Variants in VWF observed in about 807,000 individuals in gnomAD.
The protein encoded by VWF is Factor VIII related antigen.
VWF carries 176 observed loss-of-function variants against 308.6 expected under a neutral mutation model. The ratio of observed to expected loss-of-function variants is 0.57; its 90% CI spans 0.50 to 0.65. The LOEUF is 0.65. Ranked by LOEUF, VWF falls within the 30% of genes least tolerant of loss-of-function variation. The pLI, the probability that VWF is intolerant of heterozygous loss-of-function variation, is 0.00. For synonymous variants in VWF, 1,385 were observed against 1,443.4 expected (o/e 0.96, Z 0.92); for missense variants, 3,146 against 3,648.2 (o/e 0.86, Z 3.55).
chr12:5,996,084 C>G lies in VWF; in HGVS notation c.5981G>C (p.Ser1994Thr). 1 of 1,614,062 alleles carries G rather than the reference C, an allele frequency of 6.2e-7. No individual in the cohort carries two copies. Among genetic ancestry groups the G allele is most frequent in the Non-Finnish European group, 8.5e-7 (1 of 1,180,014 alleles). The change falls in exon 35 of 52, where the codon AGC (serine) becomes ACC (threonine). Residue 1994 changes from serine (S) to threonine (T), a missense_variant. Around this residue, in one of 3 missense-constraint regions of VWF, gnomAD observed 989 missense variants for 1,117.4 expected, o/e 0.89. Transcript: ENST00000261405. ...LEVILHNGAC[S>T]PGARQGCMKS... ...CATGCAGCCCTGCCTTGCTCCAGGG[C>G]TGCAGGCACCATTATGGAGAATCAC...
chr12:5,955,900 G>T (rs1943244276), intron 47 of VWF, among the ~76,000 whole-genome samples: 2 of 152,086 alleles, frequency 1.3e-5, no homozygotes, highest in South Asian at 4.1e-4. Flanking sequence ...TTTTAAGACA[G>T]ATCAATAGAA....
At chr12:6,099,623 G>A (rs748676547) in intron 5 of VWF, among the ~76,000 whole-genome samples, 22 of 152,050 alleles carry the variant, frequency 1.4e-4, no homozygotes, top group Non-Finnish European at 2.9e-4. Flanking sequence ...ACAAACCTGA[G>A]AAAAATAAGC....
chr12:5,969,437 G>T (rs1224302551), intron 44 of VWF, 46 bp from the exon 45 acceptor site: 1 of 1,611,264 alleles, frequency 6.2e-7, no homozygotes, highest in Non-Finnish European at 8.5e-7. Flanking sequence ...CAGGGCTGGA[G>T]CCCAGGGTCC....
intron 10 of VWF, among the ~76,000 whole-genome samples, chr12:6,067,963 G>A (rs893723557): frequency 8.6e-5 from 13 of 151,506 alleles, no homozygotes; most frequent in South Asian, 2.1e-4. Context: ...GTGAAACCCC[G>A]TCTCTACTAA....
At chr12:5,960,623 A>G (rs745366357) in intron 47 of VWF, among the ~76,000 whole-genome samples, 3 of 152,232 alleles carry the variant, frequency 2.0e-5, no homozygotes, top group Non-Finnish European at 4.4e-5. Flanking sequence ...TGGATGTGAA[A>G]CAGGATAACA....
intron 47 of VWF, among the ~76,000 whole-genome samples, chr12:5,966,114 G>A (rs951261616): frequency 3.3e-5 from 5 of 152,098 alleles, no homozygotes; most frequent in Middle Eastern, 3.2e-3. Context: ...CTGCAGTGCC[G>A]TCTCCACAGG....
At chr12:5,964,934 A>G (rs533870940) in intron 47 of VWF, among the ~76,000 whole-genome samples, 1 of 152,246 alleles carries the variant, frequency 6.6e-6, no homozygotes, top group South Asian at 2.1e-4. Context: ...GGGAGGGAGG[A>G]GAGAGCATGG....
chr12:5,980,894 A>G (rs1591841104), intron 42 of VWF, among the ~76,000 whole-genome samples: 1 of 151,818 alleles, frequency 6.6e-6, no homozygotes, highest in South Asian at 2.1e-4. Context: ...TTCAGTTCTC[A>G]CTCCGCCACT....
At chr12:5,977,681 G>A (rs1406997002) in intron 42 of VWF, among the ~76,000 whole-genome samples, 1 of 151,908 alleles carries the variant, frequency 6.6e-6, no homozygotes. Flanking sequence ...ACCGGCATGG[G>A]TAACATGATG....
intron 6 of VWF, among the ~76,000 whole-genome samples, chr12:6,092,302 A>G (rs896752325): frequency 6.6e-6 from 1 of 151,724 alleles, no homozygotes; most frequent in African/African-American, 2.4e-5. Context: ...CCTAAGAGTT[A>G]AACAGAACTG....
At chr12:6,034,530 C>T (rs187005969) in intron 20 of VWF, among the ~76,000 whole-genome samples, 158 bp downstream of exon 20, 206 of 152,324 alleles carry the variant, frequency 1.4e-3, no homozygotes, top group African/African-American at 4.2e-3. Context: ...AATCCCCTAC[C>T]GCTTCAGGCA....
chr12:5,971,572 C>T, intron 44 of VWF, 27 bp downstream of exon 44: 1 of 1,596,916 alleles, frequency 6.3e-7, no homozygotes, highest in Non-Finnish European at 8.6e-7. Flanking sequence ...ATCTGCCCTC[C>T]TCCCCGTCCC....
chr12:6,102,765 C>A (rs1945180517), intron 5 of VWF, among the ~76,000 whole-genome samples: 2 of 151,972 alleles, frequency 1.3e-5, no homozygotes, highest in South Asian at 4.1e-4. Context: ...ATAGAATTGC[C>A]ATGCTAATGG....
At chr12:6,108,019 C>T (rs955667522) in intron 5 of VWF, among the ~76,000 whole-genome samples, 6 of 152,104 alleles carry the variant, frequency 3.9e-5, no homozygotes, top group African/African-American at 1.4e-4. Flanking sequence ...GCAGGCCAGG[C>T]ACGGTGACTC....
rs1391518307 is a variant in VWF, at chr12:6,073,763, G to A, written c.875-22C>T. On this transcript the variant is annotated intron_variant, in intron 7 of 51. Transcript: ENST00000261405. ...GGGCCTGAAAAGGAACATCAAAGGG[G>A]TCTACCCAGGGCAGGTCCCACCGGT... The A allele has an allele frequency of 6.8e-6, 11 of 1,613,494 alleles. No individual in the cohort carries two copies. In the South Asian group the frequency reaches 7.7e-5, roughly 11 times the overall value.
At position 6,022,843 on chromosome 12, in the gene VWF, G is replaced by A; in HGVS notation, c.3435C>T (p.Arg1145=). 1.8e-6 allele frequency: 1 copy of A among 543,380 alleles called. No individual in the cohort carries two copies. The highest frequency in any genetic ancestry group is 2.1e-5 in the South Asian group (1 of 47,796). 33.7% of individuals were successfully genotyped at this position (543,380 alleles called of 1,614,324 possible). A position where few individuals can be genotyped will look rare whatever the true frequency, so the allele number is the denominator to read the frequency against. ...LRENGYECEW[R]YNSCAPACQV... is the part of the protein sequence containing the mutation. The stretch of plus-strand genomic sequence containing the variant: ...GACAGGCAGGTGCACAGCTGTTATA[G>A]CGCCACTCACACTCATACCCGTTCT... The change falls in exon 26 of 52, where the codon CGC becomes CGT. Residue 1145 remains arginine (R), a synonymous_variant. Coordinates refer to ENST00000261405, the MANE Select transcript of VWF (RefSeq NM_000552.5).
At chr12:6,008,838 A>G (rs1943960760) in intron 34 of VWF, among the ~76,000 whole-genome samples, 1 of 152,236 alleles carries the variant, frequency 6.6e-6, no homozygotes, top group Non-Finnish European at 1.5e-5. Context: ...ATACAAAATC[A>G]ACATACAAAA....
At chr12:6,100,418 T>C (rs1313047334) in intron 5 of VWF, among the ~76,000 whole-genome samples, 1 of 150,106 alleles carries the variant, frequency 6.7e-6, no homozygotes, top group African/African-American at 2.5e-5. Context: ...CTACAAATCA[T>C]GCTGCTATAA....
intron 5 of VWF, among the ~76,000 whole-genome samples, chr12:6,101,344 G>C (rs1945159135): frequency 6.6e-6 from 1 of 151,444 alleles, no homozygotes; most frequent in Non-Finnish European, 1.5e-5. Flanking sequence ...GCTGGGAAGA[G>C]ATACACACAA....
Sources: allele counts gnomAD v4.1 joint callset (sites outside exome capture counted in the v4.1 genomes callset), GRCh38; gene constraint gnomAD v4.1.1; regional missense constraint gnomAD v4.1.1; transcripts MANE v1.5; gene names NCBI Gene and HGNC (gene_info 2026-07-23, HGNC 2026-07-21).